FIBCD1: variants seen among roughly 807,000 people sequenced by gnomAD.
FIBCD1 encodes the protein fibrinogen C domain containing 1, also known as fibrinogen C domain-containing protein 1.
A neutral mutation model predicts 45.1 loss-of-function variants in FIBCD1; 47 were observed. The ratio of observed to expected loss-of-function variants is 1.04; its 90% CI spans 0.82 to 1.33. The LOEUF (loss-of-function observed/expected upper bound fraction) is 1.33. FIBCD1 is among the 40% of genes most tolerant of loss of function. The pLI, the probability that FIBCD1 is intolerant of heterozygous loss-of-function variation, is 0.00. For missense variants in FIBCD1, 653 were observed against 682.2 expected, an observed-to-expected ratio of 0.96 and a Z score of 0.48; for synonymous variants, 313 against 308.1, an observed-to-expected ratio of 1.02 and a Z score of -0.17.
intron 4 of FIBCD1, among the ~76,000 whole-genome samples, chr9:130,918,601 G>A (rs1407144591): frequency 6.6e-6 from 1 of 152,232 alleles, no homozygotes; most frequent in African/African-American, 2.4e-5. Flanking sequence ...GGCAGAGGAG[G>A]ATGCATGTTT....
chr9:130,906,782 C>T (rs1435603053), intron 5 of FIBCD1, among the ~76,000 whole-genome samples: 1 of 152,230 alleles, frequency 6.6e-6, no homozygotes, highest in African/African-American at 2.4e-5. Context: ...CGTTCTCAGC[C>T]CTTCGTGCAG....
In FIBCD1 at chr9:130,922,119, G is replaced by A. The variant is rs1035327718; in HGVS notation, c.849+1625C>T. On this transcript the variant is annotated intron_variant, in intron 4 of 6. Coordinates refer to ENST00000372338, the MANE Select transcript of FIBCD1 (RefSeq NM_032843.5). The surrounding 1 kb of genome is among the most constrained non-coding windows in gnomAD (Gnocchi z 4.5). ...GAGGCTTCCCTCTCTCCTGTTTCTC[G>A]GTCACTTGTTTTGTCTGATGTTAAG... 1.3e-5 allele frequency among the ~76,000 whole-genome samples: 2 copies of A among 152,154 alleles called. No homozygotes were observed. The highest frequency in any genetic ancestry group is 2.9e-5 in the Non-Finnish European group (2 of 68,040).
intron 5 of FIBCD1, among the ~76,000 whole-genome samples, chr9:130,909,500 T>A (rs911217797): frequency 1.3e-5 from 2 of 152,164 alleles, no homozygotes. Context: ...CTGGACCCAG[T>A]GGCAATGGTT....
chr9:130,917,029 C>G (rs982301007), intron 4 of FIBCD1, among the ~76,000 whole-genome samples: 4 of 152,170 alleles, frequency 2.6e-5, no homozygotes, highest in Non-Finnish European at 5.9e-5. Context: ...ACCTGGGAGG[C>G]AGAGGTTGCA....
chr9:130,913,064 G>A (rs1005421498), intron 4 of FIBCD1, among the ~76,000 whole-genome samples: 7 of 152,090 alleles, frequency 4.6e-5, no homozygotes, highest in African/African-American at 1.5e-4. Context: ...ACGAGCGCCT[G>A]GGCTGCCTCT....
rs1179673082 is a variant in FIBCD1, at chr9:130,922,120, G to A, written c.849+1624C>T. Among the ~76,000 whole-genome samples, 1 of 152,172 alleles carries A rather than the reference G, an allele frequency of 6.6e-6. No homozygotes were observed. The highest frequency in any genetic ancestry group is 1.5e-5 in the Non-Finnish European group (1 of 68,048). ...AGGCTTCCCTCTCTCCTGTTTCTCGGTCACTTGTTTTGTCTGATGTTAAGC... is the reference window on the plus strand; with the variant it reads ...AGGCTTCCCTCTCTCCTGTTTCTCGATCACTTGTTTTGTCTGATGTTAAGC... On this transcript the variant is annotated intron_variant, in intron 4 of 6. Coordinates refer to ENST00000372338, the MANE Select transcript of FIBCD1 (RefSeq NM_032843.5). The surrounding 1 kb of genome is among the most constrained non-coding windows in gnomAD (Gnocchi z 4.5).
chr9:130,917,982 G>A (rs1832196324), intron 4 of FIBCD1, among the ~76,000 whole-genome samples: 1 of 152,136 alleles, frequency 6.6e-6, no homozygotes, highest in Non-Finnish European at 1.5e-5. Flanking sequence ...AAGGGCTCCT[G>A]CACAGCACCC....
chr9:130,933,723 C>CG (rs1832475809), intron 1 of FIBCD1: 7 of 3,028 alleles, frequency 2.3e-3, no homozygotes, highest in South Asian at 0.016. Context: ...AAGCGGCGGG[C>CG]GGGTGGGGGG....
chr9:130,906,292 G>A (rs1364094649), intron 5 of FIBCD1, among the ~76,000 whole-genome samples: 2 of 152,138 alleles, frequency 1.3e-5, no homozygotes, highest in African/African-American at 4.8e-5. Flanking sequence ...TTGATTAAGA[G>A]GGCATTTAAT....
chr9:130,915,467 C>T (rs894519616), intron 4 of FIBCD1, among the ~76,000 whole-genome samples: 1 of 152,180 alleles, frequency 6.6e-6, no homozygotes, highest in African/African-American at 2.4e-5. Context: ...CTTTGGGAGG[C>T]CGAGGCAGGC....
chr9:130,926,666 A>C lies in FIBCD1; in HGVS notation c.553-2270T>G, dbSNP rs1670192943. ...GAAACTCTGTGTCTACTAAAAATAC[A>C]AAAAAATTAGCCGGGCGTGGTGGCG... On this transcript the variant is annotated intron_variant, in intron 2 of 6. Coordinates refer to ENST00000372338, the MANE Select transcript of FIBCD1 (RefSeq NM_032843.5). This position sits in a 1 kb window ranked among gnomAD's most constrained non-coding sequence, Gnocchi z 4.1. Among the ~76,000 whole-genome samples the C allele has an allele frequency of 6.6e-6, 1 of 151,612 alleles. No individual in the cohort carries two copies. Among genetic ancestry groups the C allele is most frequent in the African/African-American group, 2.4e-5 (1 of 41,206 alleles).
rs866063692 is a variant in FIBCD1 at position 130,911,814 on chromosome 9, C to G, written c.924G>C (p.Arg308Ser). The change falls in exon 5 of 7, where the codon AGG becomes AGC. Residue 308 changes from arginine (R) to serine (S), a missense_variant. By Grantham distance (110) the Arg-to-Ser change is moderately radical. Coordinates refer to ENST00000372338, the MANE Select transcript of FIBCD1 (RefSeq NM_032843.5). ...CACCTAGCCAGTGCTCCCCGGTGAG[C>G]CTGCCAAAGCCGTCTCGGTACGCAT... is the stretch of plus-strand genomic sequence containing the variant. ...GWDAYRDGFG[R>S]LTGEHWLGLK... 3 of 1,603,634 alleles carry G rather than the reference C, an allele frequency of 1.9e-6. No individual in the cohort carries two copies. In the Middle Eastern group the frequency reaches 5.0e-4, roughly 268 times the overall value.
At chr9:130,912,220 A>G (rs1832068139) in intron 4 of FIBCD1, among the ~76,000 whole-genome samples, 3 of 151,600 alleles carry the variant, frequency 2.0e-5, no homozygotes, top group Admixed American at 6.6e-5. Context: ...GTTCGAGACA[A>G]CATAGTGAGA....
Position 130,904,043 on chromosome 9 carries a change from C to G in FIBCD1, c.*21G>C, listed in dbSNP as rs1339048262. 6.2e-7 allele frequency: 1 copy of G among 1,610,372 alleles called. No individual in the cohort carries two copies. The highest frequency in any genetic ancestry group is 2.2e-5 in the East Asian group (1 of 44,810). On this transcript the variant is annotated 3_prime_UTR_variant, in exon 7 of 7. Transcript: ENST00000372338. ...GATGGGGCGACAGGGACCAGCAGGG[C>G]CAAGGACAAGGTGCACCAGTCTAGC...
chr9:130,932,776 G>A (rs1022411931), intron 1 of FIBCD1, among the ~76,000 whole-genome samples: 6 of 152,190 alleles, frequency 3.9e-5, no homozygotes, highest in Admixed American at 1.3e-4. Flanking sequence ...TGCCAGGGCC[G>A]CTAACTGGGC....
rs375483459 is a variant in FIBCD1, at chr9:130,929,729, G to A, written c.390C>T (p.Gly130=). 2.5e-5 allele frequency: 39 copies of A among 1,582,152 alleles called. No individual in the cohort carries two copies. Among genetic ancestry groups the A allele is most frequent in the South Asian group, 1.0e-4 (9 of 86,716 alleles). ...TGTCCAGCAGCTCCTGCTCCTGGTC[G>A]CCCACCAGCCGTGGCTGGGCCTGGT... ...TEHQAQPRLV[G]DQEQELLDTL... Residue 130 remains glycine, a synonymous_variant, in exon 2 of 7, where the codon GGC becomes GGT. Coordinates refer to ENST00000372338, the MANE Select transcript of FIBCD1 (RefSeq NM_032843.5).
chr9:130,911,992 C>T (rs1008345190), intron 4 of FIBCD1, 104 bp from the exon 5 acceptor site: 3 of 1,085,938 alleles, frequency 2.8e-6, no homozygotes, highest in Non-Finnish European at 4.0e-6. Context: ...CTGCTCCCAA[C>T]CTGCCCTCTC....
upstream of FIBCD1, among the ~76,000 whole-genome samples, chr9:130,939,996 A>G (rs1588116139): frequency 6.1e-5 from 8 of 131,080 alleles, no homozygotes; most frequent in Admixed American, 6.0e-4. Context: ...CCCCAGCTCC[A>G]GACAGACCCC....
chr9:130,911,832 G>C lies in FIBCD1; in HGVS notation c.906C>G (p.Tyr302Ter). The C allele has an allele frequency of 6.2e-7, 1 of 1,604,816 alleles. No individual in the cohort carries two copies. The highest frequency in any genetic ancestry group is 8.5e-7 in the Non-Finnish European group (1 of 1,176,500). Residue 302 changes from tyrosine to a stop codon, truncating the protein, a stop_gained, in exon 5 of 7, where the codon TAC (tyrosine) becomes TAG (stop). Transcript: ENST00000372338. LOFTEE classifies it high-confidence loss of function. ...SVNFFRGWDAYRDGFGRLTGE... is the reference protein window; with the variant it reads ...SVNFFRGWDA ...CGGTGAGCCTGCCAAAGCCGTCTCG[G>C]TACGCATCCCAGCCCCGGAAGAAGT...
Sources: gnomAD v4.1 joint callset for allele counts (sites outside exome capture counted in the v4.1 genomes callset) on GRCh38, gnomAD v4.1.1 for gene constraint, Gnocchi (gnomAD v3.1) non-coding constraint, MANE v1.5 for transcripts, NCBI Gene and HGNC (gene_info 2026-07-23, HGNC 2026-07-21) for gene names.